The following FRMD4A variants were observed in gnomAD, a reference collection of about 807,000 sequenced individuals.
The protein encoded by FRMD4A is FERM domain containing 4A, also known as FERM domain-containing protein 4A.
Under a neutral mutation model 129.1 loss-of-function variants are expected in FRMD4A, and 29 were observed. That is an observed-to-expected ratio of 0.22 (90% CI 0.17 to 0.31). FRMD4A has a LOEUF of 0.31. FRMD4A is among the 10% of genes least tolerant of loss of function. FRMD4A has a pLI of 1.00. For missense variants in FRMD4A, 1,272 were observed against 1,375.8 expected, an observed-to-expected ratio of 0.92 and a Z score of 1.19; for synonymous variants, 634 against 571.6, an observed-to-expected ratio of 1.11 and a Z score of -1.56.
At chr10:14,019,562 G>A (rs571827065) in intron 2 of FRMD4A, among the ~76,000 whole-genome samples, 79 of 152,272 alleles carry the variant, frequency 5.2e-4, no homozygotes, top group Non-Finnish European at 9.6e-4. Context: ...GGCAGGAAAG[G>A]ACTGGAGCCT....
rs751241309 is a variant in FRMD4A, at chr10:13,657,060, G to A, written c.2529C>T (p.Gly843=). 3.2e-6 allele frequency: 5 copies of A among 1,573,522 alleles called. No individual in the cohort carries two copies. The highest frequency in any genetic ancestry group is 4.3e-6 in the Non-Finnish European group (5 of 1,166,422). The change falls in exon 22 of 25, where the codon GGC becomes GGT. Residue 843 remains glycine (G), a synonymous_variant. Transcript: ENST00000357447. ...RIKEYPLYIE[G]GATPVVVRSL... ...TGCGCACCACCACGGGCGTGGCGCC[G>A]CCCTCGATGTACAGCGGGTACTCCT...
intron 2 of FRMD4A, among the ~76,000 whole-genome samples, chr10:13,947,869 G>T (rs1404669472): frequency 6.6e-6 from 1 of 151,964 alleles, no homozygotes; most frequent in Non-Finnish European, 1.5e-5. Context: ...TCTGGCCTGT[G>T]CATGTCCACT....
At chr10:14,200,222 T>A (rs1842595373) in intron 2 of FRMD4A, among the ~76,000 whole-genome samples, 1 of 150,756 alleles carries the variant, frequency 6.6e-6, no homozygotes, top group Non-Finnish European at 1.5e-5. Context: ...ATATTTAAAA[T>A]CTACTCTGAC....
chr10:14,148,470 A>G (rs983514934), intron 2 of FRMD4A, among the ~76,000 whole-genome samples: 4 of 152,350 alleles, frequency 2.6e-5, no homozygotes, highest in African/African-American at 9.6e-5. Flanking sequence ...TTGTTTAAGA[A>G]ACAATGAGAA....
chr10:13,657,357 C>G lies in FRMD4A; in HGVS notation c.2232G>C (p.Met744Ile). Residue 744 changes from methionine to isoleucine, a missense_variant, in exon 22 of 25, where the codon ATG (methionine) becomes ATC (isoleucine). Met to Ile is a conservative substitution (Grantham distance 10, BLOSUM62 1). Around this residue, in one of 2 missense-constraint regions of FRMD4A, gnomAD observed 972 missense variants for 892.3 expected, o/e 1.09. Coordinates refer to ENST00000357447, the MANE Select transcript of FRMD4A (RefSeq NM_018027.5). Reference protein sequence around the residue: ...RTRSSNGSDPMDDCSSCTSHS... With the variant: ...RTRSSNGSDPIDDCSSCTSHS... ...GGCTGGTGCACGACGAGCAGTCGTCCATGGGGTCTGAGCCGTTGCTGCTAC... is the reference window on the plus strand; with the variant it reads ...GGCTGGTGCACGACGAGCAGTCGTCGATGGGGTCTGAGCCGTTGCTGCTAC... 1 of 1,611,340 alleles carries G rather than the reference C, an allele frequency of 6.2e-7. No homozygotes were observed. Among genetic ancestry groups the G allele is most frequent in the Non-Finnish European group, 8.5e-7 (1 of 1,179,642 alleles).
At chr10:13,647,690 T>G (rs2081220005) in intron 24 of FRMD4A, 1 of 150,764 alleles carries the variant, frequency 6.6e-6, no homozygotes, top group African/African-American at 2.5e-5. Flanking sequence ...TATAAAAGTG[T>G]GTTCATTTAA....
chr10:13,661,555 A>T lies in FRMD4A; in HGVS notation c.1661-1002T>A, dbSNP rs116554958. On this transcript the variant is annotated intron_variant, in intron 19 of 24. Transcript: ENST00000357447. ...GATGGGGGCCTGGAATTCCGAGTTG[A>T]GATTTTGAAAAGCCACAGGAAAACT... 9.6e-3 allele frequency among the ~76,000 whole-genome samples: 1,457 copies of T among 152,304 alleles called. 17 individuals carry two copies. Among genetic ancestry groups the T allele is most frequent in the African/African-American group, 0.031 (1,299 of 41,558 alleles).
chr10:13,827,937 C>T, intron 3 of FRMD4A, among the ~76,000 whole-genome samples: 1 of 152,162 alleles, frequency 6.6e-6, no homozygotes, highest in South Asian at 2.1e-4. Context: ...GAAGCCCCTC[C>T]CCTGTCTCTA....
At chr10:13,767,706 G>A (rs939682100) in intron 6 of FRMD4A, among the ~76,000 whole-genome samples, 3 of 152,190 alleles carry the variant, frequency 2.0e-5, no homozygotes, top group African/African-American at 4.8e-5. Flanking sequence ...GACACTTCCC[G>A]GAGGCTTGAG....
At chr10:14,078,848 G>A (rs1192652239) in intron 2 of FRMD4A, among the ~76,000 whole-genome samples, 1 of 152,182 alleles carries the variant, frequency 6.6e-6, no homozygotes, top group African/African-American at 2.4e-5. Flanking sequence ...CCTTTCTGTG[G>A]AGACTGGTAC....
chr10:13,920,077 A>G (rs578166586), intron 2 of FRMD4A, among the ~76,000 whole-genome samples: 1 of 152,320 alleles, frequency 6.6e-6, no homozygotes, highest in East Asian at 1.9e-4. Context: ...ACAGTCCTAA[A>G]TCTTTCCTGT....
chr10:13,779,514 C>T (rs1397570774), intron 6 of FRMD4A, among the ~76,000 whole-genome samples: 1 of 152,104 alleles, frequency 6.6e-6, no homozygotes. Flanking sequence ...TCTAACTAAT[C>T]CTCACACTTC....
At chr10:14,204,397 C>T (rs918022069) in intron 2 of FRMD4A, among the ~76,000 whole-genome samples, 9 of 151,924 alleles carry the variant, frequency 5.9e-5, no homozygotes, top group African/African-American at 2.2e-4. Context: ...CATTGTACTC[C>T]AGCCCGAATG....
chr10:13,665,344 T>A (rs1428178674), intron 18 of FRMD4A, among the ~76,000 whole-genome samples: 1 of 152,080 alleles, frequency 6.6e-6, no homozygotes, highest in Non-Finnish European at 1.5e-5. Context: ...AAGCCCCCTA[T>A]AGTAACCACT....
chr10:13,705,444 G>A (rs558897133), intron 13 of FRMD4A, among the ~76,000 whole-genome samples: 21 of 152,178 alleles, frequency 1.4e-4, no homozygotes, highest in Admixed American at 5.9e-4. Context: ...CAGGCATGGC[G>A]GAGGGTCTAT....
At chr10:13,761,978 G>A (rs1188420611) in intron 7 of FRMD4A, among the ~76,000 whole-genome samples, 1 of 152,206 alleles carries the variant, frequency 6.6e-6, no homozygotes, top group African/African-American at 2.4e-5. Flanking sequence ...ATATGAACAT[G>A]TATCTGGATA....
chr10:13,860,590 AC>A (rs1197211465), intron 2 of FRMD4A, among the ~76,000 whole-genome samples: 1 of 152,120 alleles, frequency 6.6e-6, no homozygotes, highest in African/African-American at 2.4e-5. Flanking sequence ...TTAGTGGCTA[AC>A]CGGCCGCTTT....
intron 15 of FRMD4A, among the ~76,000 whole-genome samples, chr10:13,688,158 C>A (rs1048049486): frequency 6.6e-6 from 1 of 152,048 alleles, no homozygotes; most frequent in African/African-American, 2.4e-5. Context: ...TGTCCAACAA[C>A]GATAGACTGG....
chr10:13,695,243 T>TG (rs748602423), intron 14 of FRMD4A, among the ~76,000 whole-genome samples: 1 of 151,566 alleles, frequency 6.6e-6, no homozygotes, highest in Non-Finnish European at 1.5e-5. Flanking sequence ...TGGGTTGAAG[T>TG]GGTTTTCCTG....
Sources: allele counts gnomAD v4.1 joint callset (sites outside exome capture counted in the v4.1 genomes callset), GRCh38; gene constraint gnomAD v4.1.1; regional missense constraint gnomAD v4.1.1; transcripts MANE v1.5; gene names NCBI Gene and HGNC (gene_info 2026-07-23, HGNC 2026-07-21).